SLC35D1: variants seen among roughly 807,000 people sequenced by gnomAD.
SLC35D1 encodes the protein nucleotide sugar transporter SLC35D1.
In SLC35D1, 31 loss-of-function variants were observed where a neutral mutation model predicts 46.7. The ratio of observed to expected loss-of-function variants is 0.66; its 90% confidence interval spans 0.50 to 0.90. The LOEUF (loss-of-function observed/expected upper bound fraction) is 0.90, where lower values mean the gene tolerates loss of function less well. Ranked by LOEUF, SLC35D1 falls within the 40% of genes least tolerant of loss-of-function variation. SLC35D1 has a pLI of 0.00. For synonymous variants in SLC35D1, 195 were observed against 164.6 expected (o/e 1.18, Z -1.41); for missense variants, 397 against 426.2 (o/e 0.93, Z 0.60).
intron 10 of SLC35D1, among the ~76,000 whole-genome samples, chr1:67,011,425 C>T (rs1468277758): frequency 1.3e-5 from 2 of 152,168 alleles, no homozygotes; most frequent in African/African-American, 4.8e-5. Context: ...CCTCTTTCTC[C>T]CTGTGGAATC....
chr1:67,051,629 C>A (rs1645309552), intron 4 of SLC35D1, among the ~76,000 whole-genome samples: 1 of 152,156 alleles, frequency 6.6e-6, no homozygotes, highest in Admixed American at 6.5e-5. Context: ...TCTAATTTTG[C>A]TGTGTGGAAG....
At chr1:67,014,470 A>G (rs189592095) in intron 10 of SLC35D1, among the ~76,000 whole-genome samples, 5 of 152,136 alleles carry the variant, frequency 3.3e-5, no homozygotes, top group Admixed American at 1.3e-4. Context: ...TAAAGTCTTT[A>G]TTTGTGTCCA....
rs530040813 is a variant in SLC35D1, at chr1:67,050,461, T to C, written c.436A>G (p.Thr146Ala). The change falls in exon 5 of 12, where the codon ACA becomes GCA. Residue 146 changes from threonine (T) to alanine (A), a missense_variant. Transcript: ENST00000235345. ...AGTAAAACTCCTTCAGCAAACATTG[T>C]AAACAGGATGGAGAACCTTCTCAGA... Reference protein sequence around the residue: ...TVLRRFSILFTMFAEGVLLKK... With the variant: ...TVLRRFSILFAMFAEGVLLKK... 4 of 1,613,434 alleles carry C rather than the reference T, an allele frequency of 2.5e-6. No individual in the cohort carries two copies. The East Asian group carries it at 8.9e-5, about 36-fold the overall frequency.
the SLC35D1 span, chr1:66,987,320 AG>A: frequency 5.9e-5 from 9 of 152,750 alleles, no homozygotes; most frequent in Admixed American, 1.3e-4. Flanking sequence ...AGTACATTTC[AG>A]AACTTTTGAA....
At position 67,053,962 on chromosome 1, in the gene SLC35D1, C is replaced by T. The variant is rs752439493; in HGVS notation, c.52G>A (p.Ala18Thr). ...TCATCTCGGAGTGTGGAGGATTTCG[C>T]GGGGGCTTCTCCTTTAACCCGAGCA... ...QHARVKGEAP[A>T]KSSTLRDEEE... The change falls in exon 1 of 12, where the codon GCG becomes ACG. Residue 18 changes from alanine to threonine, a missense_variant. Coordinates refer to ENST00000235345, the MANE Select transcript of SLC35D1 (RefSeq NM_015139.3). The T allele has an allele frequency of 1.1e-5, 17 of 1,613,428 alleles. No individual in the cohort carries two copies. The highest frequency in any genetic ancestry group is 1.4e-5 in the Non-Finnish European group (16 of 1,179,614).
Position 67,054,051 on chromosome 1 carries a change from G to A in SLC35D1, c.-38C>T. The A allele has an allele frequency of 6.2e-7, 1 of 1,600,064 alleles. No homozygotes were observed. On this transcript the variant is annotated 5_prime_UTR_variant, in exon 1 of 12. Coordinates refer to ENST00000235345, the MANE Select transcript of SLC35D1 (RefSeq NM_015139.3). ...AGCGGTGGCCTGGCGGCGGGGCCTA[G>A]CGGCTCGGGGGCCTGCAGCGGCAGC...
chr1:67,052,458 C>T (rs1454049752), intron 3 of SLC35D1, among the ~76,000 whole-genome samples: 1 of 151,860 alleles, frequency 6.6e-6, no homozygotes, highest in Non-Finnish European at 1.5e-5. Flanking sequence ...TAAAATAAGC[C>T]CAAAGAATAA....
chr1:66,983,867 C>T, the SLC35D1 span, among the ~76,000 whole-genome samples: 8 of 152,046 alleles, frequency 5.3e-5, no homozygotes, highest in African/African-American at 1.9e-4. Flanking sequence ...AGCTGGGAGA[C>T]GGTGCACGCC....
chr1:67,042,855 G>A (rs1425436995), intron 7 of SLC35D1, among the ~76,000 whole-genome samples: 2 of 152,122 alleles, frequency 1.3e-5, no homozygotes, highest in African/African-American at 2.4e-5. Context: ...CTTGAGCCCA[G>A]GAGTTCAAGA....
At chr1:67,027,374 T>C (rs773784530) in intron 8 of SLC35D1, among the ~76,000 whole-genome samples, 22 of 152,154 alleles carry the variant, frequency 1.4e-4, no homozygotes, top group Non-Finnish European at 2.6e-4. Context: ...TGCATTGATT[T>C]CTATTCTTAT....
At chr1:66,980,229 T>C in the SLC35D1 span, among the ~76,000 whole-genome samples, 1 of 152,250 alleles carries the variant, frequency 6.6e-6, no homozygotes, top group South Asian at 2.1e-4. Context: ...AATTTTTCTA[T>C]AATTATGATG....
chr1:67,021,149 A>G (rs1405289063), intron 9 of SLC35D1, among the ~76,000 whole-genome samples: 1 of 152,184 alleles, frequency 6.6e-6, no homozygotes, highest in African/African-American at 2.4e-5. Context: ...GGAAGAAAAC[A>G]TGGTAAAGAG....
chr1:67,012,538 C>T (rs547381611), intron 10 of SLC35D1, among the ~76,000 whole-genome samples: 1 of 52,990 alleles, frequency 1.9e-5, no homozygotes, highest in South Asian at 9.6e-4. Flanking sequence ...AAATTAGACT[C>T]CTAAATCAAA....
intron 8 of SLC35D1, among the ~76,000 whole-genome samples, chr1:67,041,345 G>T (rs1229317687): frequency 1.3e-5 from 2 of 152,098 alleles, no homozygotes; most frequent in African/African-American, 4.8e-5. Flanking sequence ...TATGATGGGG[G>T]GTGGGAAACA....
At chr1:67,051,020 A>T (rs2102372254) in intron 4 of SLC35D1, among the ~76,000 whole-genome samples, 1 of 152,342 alleles carries the variant, frequency 6.6e-6, no homozygotes, top group South Asian at 2.1e-4. Context: ...AAAGTGCCTT[A>T]TACTTAGCTG....
intron 8 of SLC35D1, among the ~76,000 whole-genome samples, chr1:67,030,231 T>C (rs1667990549): frequency 6.6e-6 from 1 of 152,168 alleles, no homozygotes; most frequent in Non-Finnish European, 1.5e-5. Context: ...CTTCTTCCAG[T>C]TGTGACAGGA....
At chr1:67,008,371 T>C (rs1405802952) in intron 11 of SLC35D1, 1 of 1,267,270 alleles carries the variant, frequency 7.9e-7, no homozygotes, top group Non-Finnish European at 1.0e-6. Context: ...TCTCTTGACC[T>C]TGTGATCTGC....
At chr1:67,006,450 T>C (rs1027055119) in intron 11 of SLC35D1, among the ~76,000 whole-genome samples, 1 of 149,644 alleles carries the variant, frequency 6.7e-6, no homozygotes, top group Non-Finnish European at 1.5e-5. Context: ...GGGCTACCTC[T>C]CCTTTCTTTC....
In SLC35D1 at chr1:67,049,870, A is replaced by T; in HGVS notation, c.465-20T>A. ...GTCTTCCTACAAAACAAAAAATTTTAAAATACACACATGACTTTATTCCCA... is the reference window on the plus strand; with the variant it reads ...GTCTTCCTACAAAACAAAAAATTTTTAAATACACACATGACTTTATTCCCA... On this transcript the variant is annotated intron_variant, in intron 5 of 11. Coordinates refer to ENST00000235345, the MANE Select transcript of SLC35D1 (RefSeq NM_015139.3). 6.4e-7 allele frequency: 1 copy of T among 1,563,148 alleles called. No individual in the cohort carries two copies.
Sources: gnomAD v4.1 joint callset for allele counts (sites outside exome capture counted in the v4.1 genomes callset) on GRCh38, gnomAD v4.1.1 for gene constraint, MANE v1.5 for transcripts, NCBI Gene and HGNC (gene_info 2026-07-23, HGNC 2026-07-21) for gene names.